The following NKAIN2 variants were observed in gnomAD, a reference collection of about 807,000 sequenced individuals.
NKAIN2 encodes sodium/potassium-transporting ATPase subunit beta-1-interacting protein 2.
Under a neutral mutation model 32.6 loss-of-function variants are expected in NKAIN2, and 14 were observed. That is an observed-to-expected ratio of 0.43 (90% CI 0.28 to 0.67). The LOEUF (loss-of-function observed/expected upper bound fraction) is 0.67, where lower values mean the gene tolerates loss of function less well. Among genes scored for constraint, NKAIN2 ranks in the 30% least tolerant of loss-of-function variants. NKAIN2 has a pLI of 0.17. For missense variants in NKAIN2, 198 were observed against 258.3 expected (o/e 0.77, Z 1.60); for synonymous variants, 80 against 87.2 (o/e 0.92, Z 0.46).
chr6:124,292,020 C>T (rs1795836176), intron 2 of NKAIN2, among the ~76,000 whole-genome samples: 1 of 152,120 alleles, frequency 6.6e-6, no homozygotes, highest in Non-Finnish European at 1.5e-5. Flanking sequence ...ATTCTTGATG[C>T]TTTTCAACAT....
At chr6:124,726,197 G>T (rs552568871) in intron 4 of NKAIN2, among the ~76,000 whole-genome samples, 192 of 152,330 alleles carry the variant, frequency 1.3e-3, no homozygotes, top group African/African-American at 4.5e-3. Flanking sequence ...CAACTGGGCG[G>T]AGCCCACCAC....
intron 1 of NKAIN2, among the ~76,000 whole-genome samples, chr6:124,116,061 C>G (rs1469499813): frequency 6.6e-6 from 1 of 152,072 alleles, no homozygotes; most frequent in Non-Finnish European, 1.5e-5. Flanking sequence ...CTCTGAATAA[C>G]TTTTCAAAGC....
intron 2 of NKAIN2, among the ~76,000 whole-genome samples, chr6:124,354,800 C>G (rs9491135): frequency 0.041 from 6,090 of 146,962 alleles, 419 homozygotes; most frequent in African/African-American, 0.14. Flanking sequence ...AAAATTTATC[C>G]TTAAGCAGGT....
intron 1 of NKAIN2, among the ~76,000 whole-genome samples, chr6:124,000,907 T>C (rs1779852752): frequency 6.6e-6 from 1 of 152,108 alleles, no homozygotes; most frequent in Non-Finnish European, 1.5e-5. Context: ...GATTCTTTGG[T>C]TAATTGTCTC....
At chr6:124,788,761 G>C (rs1217304609) in intron 4 of NKAIN2, among the ~76,000 whole-genome samples, 1 of 151,984 alleles carries the variant, frequency 6.6e-6, no homozygotes, top group Non-Finnish European at 1.5e-5. Flanking sequence ...ATTTGAGTGA[G>C]GACACAGCCA....
At chr6:123,960,636 C>CAT (rs1777802850) in intron 1 of NKAIN2, among the ~76,000 whole-genome samples, 3 of 151,824 alleles carry the variant, frequency 2.0e-5, no homozygotes, top group Non-Finnish European at 4.4e-5. Flanking sequence ...CTTCATGTGC[C>CAT]ATAGCCTTGC....
chr6:123,887,271 T>A (rs1166128358), intron 1 of NKAIN2, among the ~76,000 whole-genome samples: 1 of 148,238 alleles, frequency 6.7e-6, no homozygotes, highest in African/African-American at 2.5e-5. Context: ...TGGAAATAGA[T>A]TATCCATTCA....
rs554615033 is a variant in NKAIN2 at position 124,361,994 on chromosome 6, T to C, written c.273+6647T>C. On this transcript the variant is annotated intron_variant, in intron 3 of 6. Transcript: ENST00000368417. ...TGACCTCATATGTAAAAAGATGGTA[T>C]GCAGAGAAATATGCTGTAATCTTTT... Among the ~76,000 whole-genome samples the C allele has an allele frequency of 2.6e-5, 4 of 152,236 alleles. No homozygotes were observed. In the East Asian group the frequency reaches 7.7e-4, roughly 29 times the overall value.
At chr6:124,395,261 C>G (rs530320070) in intron 3 of NKAIN2, among the ~76,000 whole-genome samples, 13 of 152,246 alleles carry the variant, frequency 8.5e-5, no homozygotes, top group Middle Eastern at 3.4e-3. Context: ...CAAACTCCAT[C>G]CAAGTCATAG....
intron 3 of NKAIN2, among the ~76,000 whole-genome samples, chr6:124,560,141 T>G (rs1452764400): frequency 6.6e-6 from 1 of 152,168 alleles, no homozygotes; most frequent in East Asian, 1.9e-4. Flanking sequence ...TCATTTTGAC[T>G]TGTAGTTCCC....
intron 1 of NKAIN2, among the ~76,000 whole-genome samples, chr6:124,147,895 T>C (rs899551951): frequency 2.0e-5 from 3 of 152,150 alleles, no homozygotes; most frequent in South Asian, 2.1e-4. Flanking sequence ...GCCAGGACCA[T>C]GGATATTTAG....
chr6:124,428,342 T>C (rs1775070895), intron 3 of NKAIN2, among the ~76,000 whole-genome samples: 1 of 152,104 alleles, frequency 6.6e-6, no homozygotes, highest in Non-Finnish European at 1.5e-5. Flanking sequence ...ATAACTAGGA[T>C]TCTTCCATAC....
Position 124,055,664 on chromosome 6 carries a change from A to C in NKAIN2, c.55-227341A>C, listed in dbSNP as rs1378971380. ...GTGCAACTCTAGAATAACACAGAAC[A>C]GTTCATCACTGTGACCTTCAAGCCC... On this transcript the variant is annotated intron_variant, in intron 1 of 6. Coordinates refer to ENST00000368417, the MANE Select transcript of NKAIN2 (RefSeq NM_001040214.3). Among the ~76,000 whole-genome samples the C allele has an allele frequency of 3.3e-5, 5 of 152,162 alleles. No homozygotes were observed. The East Asian group carries it at 9.7e-4, about 30-fold the overall frequency.
intron 3 of NKAIN2, among the ~76,000 whole-genome samples, chr6:124,360,042 T>C (rs1450262018): frequency 1.3e-5 from 2 of 152,226 alleles, no homozygotes; most frequent in Non-Finnish European, 2.9e-5. Flanking sequence ...ATGTGGTTTT[T>C]GTCGTTGGTT....
chr6:124,309,364 T>C (rs1399322932), intron 2 of NKAIN2, among the ~76,000 whole-genome samples: 1 of 152,084 alleles, frequency 6.6e-6, no homozygotes, highest in Admixed American at 6.6e-5. Context: ...AATTGAAATT[T>C]TTGGGGGATA....
chr6:124,378,868 TCA>T (rs145544263), intron 3 of NKAIN2, among the ~76,000 whole-genome samples: 2,277 of 150,834 alleles, frequency 0.015, 31 homozygotes, highest in Non-Finnish European at 0.023. Context: ...GACTGGAGGA[TCA>T]CTTGAACCCA....
chr6:124,546,145 G>A (rs914806869), intron 3 of NKAIN2, among the ~76,000 whole-genome samples: 4 of 152,098 alleles, frequency 2.6e-5, no homozygotes, highest in East Asian at 1.9e-4. Flanking sequence ...TTAACCTCAC[G>A]TACATTTCTG....
At chr6:124,725,926 G>C (rs947099344) in intron 4 of NKAIN2, among the ~76,000 whole-genome samples, 1 of 152,214 alleles carries the variant, frequency 6.6e-6, no homozygotes, top group Non-Finnish European at 1.5e-5. Flanking sequence ...TTCCCTTTCC[G>C]AGTCAAAGAA....
chr6:124,478,785 G>C (rs1454757454), intron 3 of NKAIN2, among the ~76,000 whole-genome samples: 1 of 152,100 alleles, frequency 6.6e-6, no homozygotes, highest in African/African-American at 2.4e-5. Flanking sequence ...AGGAGATAAG[G>C]CATGACTATT....
Sources: gnomAD v4.1 joint callset for allele counts (sites outside exome capture counted in the v4.1 genomes callset) on GRCh38, gnomAD v4.1.1 for gene constraint, MANE v1.5 for transcripts, NCBI Gene and HGNC (gene_info 2026-07-23, HGNC 2026-07-21) for gene names.